The following ANXA9 variants were observed in gnomAD, a reference collection of about 807,000 sequenced individuals.
ANXA9 encodes annexin A9.
ANXA9 carries 47 observed loss-of-function variants against 51.8 expected under a neutral mutation model. The ratio of observed to expected loss-of-function variants is 0.91; its 90% CI spans 0.72 to 1.16. The LOEUF (loss-of-function observed/expected upper bound fraction) is 1.16. Ranked by LOEUF, ANXA9 falls within the 50% of genes most tolerant of loss-of-function variation. The pLI is 0.00. For missense variants in ANXA9, 361 were observed against 424.7 expected (o/e 0.85, Z 1.32); for synonymous variants, 154 against 168.7 (o/e 0.91, Z 0.68).
At chr1:150,993,633 C>CTTTTTTTT (rs35186445) in intron 12 of ANXA9, among the ~76,000 whole-genome samples, 5 of 104,182 alleles carry the variant, frequency 4.8e-5, no homozygotes, top group Non-Finnish European at 9.2e-5. Flanking sequence ...TTCTTTCTTT[C>CTTTTTTTT]TTTTTTTTTT....
chr1:150,987,404 G>A lies in ANXA9; in HGVS notation c.613-468G>A, dbSNP rs7539568. 1.4e-4 allele frequency among the ~76,000 whole-genome samples: 18 copies of A among 125,822 alleles called. No individual in the cohort carries two copies. In the East Asian group the frequency reaches 4.4e-3, roughly 31 times the overall value. The allele number at this position is 125,822 out of a possible 152,430, so 82.5% of individuals were successfully genotyped here. On this transcript the variant is annotated intron_variant, in intron 9 of 13. Transcript: ENST00000368947. ...CTCACACACACACACACACACACAC[G>A]CACACACACAAACCTAGTTTACGGG... is the stretch of plus-strand genomic sequence containing the variant.
intron 7 of ANXA9, 119 bp from the exon 8 acceptor site, chr1:150,986,217 C>T: frequency 2.5e-6 from 2 of 814,586 alleles, no homozygotes; most frequent in Admixed American, 2.1e-5. Flanking sequence ...CATCAAGCTA[C>T]TCCAAGCAGG....
chr1:150,987,779 T>C, intron 9 of ANXA9, 93 bp from the exon 10 acceptor site: 1 of 1,003,132 alleles, frequency 1.0e-6, no homozygotes, highest in Non-Finnish European at 1.5e-6. Context: ...TCCATCATGA[T>C]GATGATAGAT....
upstream of ANXA9, among the ~76,000 whole-genome samples, chr1:150,980,075 C>A (rs898157162): frequency 6.6e-6 from 1 of 152,112 alleles, no homozygotes; most frequent in Non-Finnish European, 1.5e-5. Context: ...AAATACAGGA[C>A]ACACTGTTAA....
At chr1:150,983,926 C>T in intron 4 of ANXA9, 49 bp from the exon 5 acceptor site, 2 of 1,564,270 alleles carry the variant, frequency 1.3e-6, no homozygotes, top group Non-Finnish European at 1.7e-6. Context: ...GTAGGAACAT[C>T]CCACTATGTA....
At position 150,987,829 on chromosome 1, in the gene ANXA9, A is replaced by G. The variant is rs752271354; in HGVS notation, c.613-43A>G. Reference sequence around the variant, plus strand: ...CCCATGGCTCCCTAGGCCCCAACCAATGATCCTGATTGACTCCTCCCTGAC... The same window carrying G: ...CCCATGGCTCCCTAGGCCCCAACCAGTGATCCTGATTGACTCCTCCCTGAC... On this transcript the variant is annotated intron_variant, in intron 9 of 13. Coordinates refer to ENST00000368947, the MANE Select transcript of ANXA9 (RefSeq NM_003568.3). 9 of 1,559,660 alleles carry G rather than the reference A, an allele frequency of 5.8e-6. No individual in the cohort carries two copies. In the African/African-American group the frequency reaches 8.2e-5, roughly 14 times the overall value.
intron 10 of ANXA9, 36 bp downstream of exon 10, chr1:150,987,992 T>C (rs1204770993): frequency 1.2e-6 from 2 of 1,613,874 alleles, no homozygotes; most frequent in South Asian, 2.2e-5. Context: ...TAGCTTGCTC[T>C]AATGATCAGT....
At chr1:150,993,462 C>T (rs935432025) in intron 12 of ANXA9, among the ~76,000 whole-genome samples, 3 of 151,794 alleles carry the variant, frequency 2.0e-5, no homozygotes, top group Non-Finnish European at 4.4e-5. Context: ...GCGCCTACCA[C>T]CACACCTGGC....
intron 7 of ANXA9, among the ~76,000 whole-genome samples, chr1:150,985,600 G>A (rs1671537465): frequency 7.1e-6 from 1 of 140,378 alleles, no homozygotes; most frequent in African/African-American, 2.7e-5. Context: ...ACAAGGTCTT[G>A]CCCTGTAGCC....
chr1:150,987,836 T>C, intron 9 of ANXA9, 36 bp from the exon 10 acceptor site: 1 of 1,583,036 alleles, frequency 6.3e-7, no homozygotes, highest in Non-Finnish European at 8.7e-7. Flanking sequence ...CCAATGATCC[T>C]GATTGACTCC....
chr1:150,993,671 C>A, intron 12 of ANXA9, among the ~76,000 whole-genome samples: 1 of 108,062 alleles, frequency 9.3e-6, no homozygotes, highest in East Asian at 2.9e-4. Context: ...TTTTGCTCTT[C>A]TTGCCCAGGT....
At chr1:150,994,549 AC>A (rs1057029043) in intron 12 of ANXA9, 27 bp from the exon 13 acceptor site, 2 of 1,611,506 alleles carry the variant, frequency 1.2e-6, no homozygotes, top group Non-Finnish European at 1.7e-6. Context: ...CTCACTAACT[AC>A]CCCCCATCTC....
At chr1:150,987,547 G>A (rs1274888662) in intron 9 of ANXA9, among the ~76,000 whole-genome samples, 4 of 151,572 alleles carry the variant, frequency 2.6e-5, no homozygotes, top group Non-Finnish European at 5.9e-5. Context: ...AGCCAACATG[G>A]TGAAACCCCG....
intron 7 of ANXA9, 67 bp from the exon 8 acceptor site, chr1:150,986,269 C>T: frequency 1.4e-6 from 2 of 1,441,016 alleles, no homozygotes; most frequent in Non-Finnish European, 2.0e-6. Context: ...AGGCATTTGG[C>T]AGGTCCTGGG....
At chr1:150,984,465 G>A (rs987211308) in intron 6 of ANXA9, 71 bp downstream of exon 6, 19 of 1,559,754 alleles carry the variant, frequency 1.2e-5, no homozygotes, top group Admixed American at 6.7e-5. Context: ...TTTGCAAGAC[G>A]AGAGTCCCCC....
upstream of ANXA9, among the ~76,000 whole-genome samples, chr1:150,980,688 T>C (rs752559397): frequency 1.6e-4 from 24 of 147,846 alleles, no homozygotes; most frequent in Non-Finnish European, 3.1e-4. Context: ...CAAGTGATTC[T>C]CCTGCCTCAG....
chr1:150,982,929 G>A (rs1671445484), intron 2 of ANXA9, among the ~76,000 whole-genome samples, 161 bp from the exon 3 acceptor site: 1 of 152,078 alleles, frequency 6.6e-6, no homozygotes, highest in African/African-American at 2.4e-5. Context: ...CACCATTTCA[G>A]CTCCATTTCT....
At chr1:150,982,709 T>G (rs964956456) in intron 2 of ANXA9, 126 bp downstream of exon 2, 1 of 184,554 alleles carries the variant, frequency 5.4e-6, no homozygotes, top group Non-Finnish European at 1.1e-5. Context: ...TCAGCTCCCC[T>G]GCACTGCCCA....
At chr1:150,980,494 C>A (rs1000668124), upstream of ANXA9, among the ~76,000 whole-genome samples, 21 of 151,836 alleles carry the variant, frequency 1.4e-4, no homozygotes, top group Non-Finnish European at 2.5e-4. Context: ...AGCTGCATGT[C>A]CTGTATATTT....
Sources: allele counts gnomAD v4.1 joint callset (sites outside exome capture counted in the v4.1 genomes callset), GRCh38; gene constraint gnomAD v4.1.1; transcripts MANE v1.5; gene names NCBI Gene and HGNC (gene_info 2026-07-23, HGNC 2026-07-21).